The following SLC12A6 variants were observed in gnomAD, a reference collection of about 807,000 sequenced individuals.
SLC12A6 encodes solute carrier family 12 member 6, also known as K-Cl cotransporter 3.
Under a neutral mutation model 135.3 loss-of-function variants are expected in SLC12A6, and 66 were observed. The observed-to-expected ratio is 0.49, with a 90% CI of 0.40 to 0.60. SLC12A6 has a LOEUF of 0.60. Among genes scored for constraint, SLC12A6 ranks in the 20% least tolerant of loss-of-function variants. The probability of loss-of-function intolerance (pLI) is 0.00; values close to 1 mark genes in which losing one functional copy is unlikely to be tolerated. For missense variants in SLC12A6, 1,058 were observed against 1,452.3 expected (o/e 0.73, Z 4.41); for synonymous variants, 513 against 508.8 (o/e 1.01, Z -0.11).
At chr15:34,277,994 A>T (rs2071147033) in intron 2 of SLC12A6, among the ~76,000 whole-genome samples, 2 of 152,248 alleles carry the variant, frequency 1.3e-5, no homozygotes, top group Admixed American at 1.3e-4. Flanking sequence ...TTCTAAAACA[A>T]GGTATGATAG....
intron 9 of SLC12A6, among the ~76,000 whole-genome samples, 190 bp downstream of exon 9, chr15:34,254,158 A>C (rs1394700053): frequency 6.6e-6 from 1 of 152,224 alleles, no homozygotes; most frequent in Non-Finnish European, 1.5e-5. Context: ...AGGACATAAG[A>C]AAGAGGATGA....
intron 12 of SLC12A6, 82 bp downstream of exon 12, chr15:34,250,549 T>C: frequency 1.1e-6 from 1 of 876,040 alleles, no homozygotes; most frequent in Non-Finnish European, 2.0e-6. Context: ...GTATCTTTGT[T>C]ACCAGGATAA....
chr15:34,260,825 T>G (rs938739680), intron 4 of SLC12A6, 101 bp downstream of exon 4: 6 of 700,618 alleles, frequency 8.6e-6, no homozygotes, highest in African/African-American at 3.6e-5. Context: ...AACATTAAAT[T>G]ATCCAGCTTG....
At chr15:34,299,954 A>T (rs1306478176) in intron 2 of SLC12A6, among the ~76,000 whole-genome samples, 1 of 152,174 alleles carries the variant, frequency 6.6e-6, no homozygotes, top group Non-Finnish European at 1.5e-5. Context: ...AAAAAATAAC[A>T]ATGGACTAGG....
At chr15:34,316,180 C>T (rs1178997585) in intron 2 of SLC12A6, among the ~76,000 whole-genome samples, 1 of 150,956 alleles carries the variant, frequency 6.6e-6, no homozygotes, top group Non-Finnish European at 1.5e-5. Flanking sequence ...TTATATGACA[C>T]TACATATTTT....
intron 2 of SLC12A6, among the ~76,000 whole-genome samples, chr15:34,325,649 C>A (rs1286669466): frequency 6.6e-6 from 1 of 152,046 alleles, no homozygotes; most frequent in Non-Finnish European, 1.5e-5. Context: ...ATATAAAAGA[C>A]ATTATTTTCT....
intron 13 of SLC12A6, among the ~76,000 whole-genome samples, 166 bp from the exon 14 acceptor site, chr15:34,246,033 A>G (rs1891964448): frequency 6.6e-6 from 1 of 152,084 alleles, no homozygotes; most frequent in Admixed American, 6.6e-5. Flanking sequence ...CCCAAGTTCA[A>G]GCAATTCTCT....
chr15:34,295,647 A>G (rs1254370505), intron 2 of SLC12A6, among the ~76,000 whole-genome samples: 5 of 152,214 alleles, frequency 3.3e-5, no homozygotes, highest in Non-Finnish European at 7.3e-5. Context: ...AGTTTGAGTC[A>G]CTATTCTTGT....
In SLC12A6 at chr15:34,254,381, G is replaced by C. The variant is rs1217086738; in HGVS notation, c.1085C>G (p.Ala362Gly). 3 of 1,613,562 alleles carry C rather than the reference G, an allele frequency of 1.9e-6. No individual in the cohort carries two copies. The highest frequency in any genetic ancestry group is 2.7e-5 in the African/African-American group (2 of 74,914). The change falls in exon 9 of 26, where the codon GCC becomes GGC. Residue 362 changes from alanine (A) to glycine (G), a missense_variant. By Grantham distance (60) the Ala-to-Gly change is moderately conservative. This residue lies in a region of SLC12A6 where 297 missense variants were observed against 318.5 expected (regional missense o/e 0.93). Transcript: ENST00000354181. ...IVSILAIYAGAIKSSFAPPHF... is the reference protein window; with the variant it reads ...IVSILAIYAGGIKSSFAPPHF... ...TGGAGGAGCAAAAGAAGACTTGATG[G>C]CTCCAGCATAGATGGCCAAGATGGA...
intron 4 of SLC12A6, 110 bp downstream of exon 4, chr15:34,260,816 A>C: frequency 1.5e-6 from 1 of 676,586 alleles, no homozygotes; most frequent in Non-Finnish European, 2.7e-6. Context: ...TTTTCTTTTA[A>C]CATTAAATTA....
At chr15:34,315,454 G>C (rs867199172) in intron 2 of SLC12A6, among the ~76,000 whole-genome samples, 8 of 152,280 alleles carry the variant, frequency 5.3e-5, no homozygotes, top group African/African-American at 1.4e-4. Flanking sequence ...AGGAATGGTA[G>C]TACATGCCTG....
At chr15:34,335,516 T>A (rs1030115706) in intron 2 of SLC12A6, among the ~76,000 whole-genome samples, 1 of 152,200 alleles carries the variant, frequency 6.6e-6, no homozygotes, top group African/African-American at 2.4e-5. Flanking sequence ...AAGATTACAT[T>A]AGTTACAACA....
Position 34,233,856 on chromosome 15 carries a change from G to C in SLC12A6, c.*25C>G, listed in dbSNP as rs767632019. The C allele has an allele frequency of 1.3e-5, 17 of 1,320,986 alleles. No homozygotes were observed. The highest frequency in any genetic ancestry group is 1.8e-5 in the Non-Finnish European group (16 of 912,206). The allele number at this position is 1,320,986 out of a possible 1,614,324, so 81.8% of individuals were successfully genotyped here. On this transcript the variant is annotated 3_prime_UTR_variant, in exon 26 of 26. Transcript: ENST00000354181. ...GGACGTAGGCCTTTTAAGAAAACAGGTCAAGCACGGTCATTCAGAGTAGGT... is the reference window on the plus strand; with the variant it reads ...GGACGTAGGCCTTTTAAGAAAACAGCTCAAGCACGGTCATTCAGAGTAGGT...
intron 2 of SLC12A6, among the ~76,000 whole-genome samples, chr15:34,319,534 C>T (rs1221847598): frequency 6.6e-6 from 1 of 152,090 alleles, no homozygotes; most frequent in Non-Finnish European, 1.5e-5. Context: ...CGCCGTTGCT[C>T]ACACCTGTAA....
At chr15:34,254,062 TAAAA>T (rs1186660876) in intron 9 of SLC12A6, among the ~76,000 whole-genome samples, 1 of 151,964 alleles carries the variant, frequency 6.6e-6, no homozygotes, top group Non-Finnish European at 1.5e-5. Flanking sequence ...ATGTGTATAA[TAAAA>T]AAAGATTATG....
chr15:34,258,832 C>T lies in SLC12A6; in HGVS notation c.524G>A (p.Gly175Glu), dbSNP rs764119511. 18 of 1,613,400 alleles carry T rather than the reference C, an allele frequency of 1.1e-5. No homozygotes were observed. Among genetic ancestry groups the T allele is most frequent in the Non-Finnish European group, 1.5e-5 (18 of 1,179,558 alleles). ...CCTCACCTTGGTGGGCTTCTTTTTCCCTTCAGTGATGTTTTCTGCCTCTTC... is the reference window on the plus strand; with the variant it reads ...CCTCACCTTGGTGGGCTTCTTTTTCTCTTCAGTGATGTTTTCTGCCTCTTC... ...EHEEAENITE[G>E]KKKPTKTPQM... Residue 175 changes from glycine to glutamate, a missense_variant, in exon 5 of 26, where the codon GGG becomes GAG. Transcript: ENST00000354181.
intron 2 of SLC12A6, among the ~76,000 whole-genome samples, chr15:34,327,774 T>TA (rs1330138134): frequency 6.6e-6 from 1 of 152,200 alleles, no homozygotes; most frequent in Non-Finnish European, 1.5e-5. Flanking sequence ...GATGTGTACA[T>TA]AAGAGTTTTT....
At position 34,250,290 on chromosome 15, in the gene SLC12A6, T is replaced by C. The variant is rs1169537721; in HGVS notation, c.1649+8A>G. ...CACATAATTGTTACAAAGAAATTCA[T>C]TACTCACTTGTCTCTGAGAACAACC... On this transcript the variant is annotated splice_region_variant and intron_variant, in intron 13 of 25. Coordinates refer to ENST00000354181, the MANE Select transcript of SLC12A6 (RefSeq NM_001365088.1). 1.4e-6 allele frequency: 2 copies of C among 1,453,582 alleles called. No homozygotes were observed. The highest frequency in any genetic ancestry group is 1.9e-6 in the Non-Finnish European group (2 of 1,033,478). The allele number at this position is 1,453,582 out of a possible 1,614,324, so 90.0% of individuals were successfully genotyped here. A position where few individuals can be genotyped will look rare whatever the true frequency, so the allele number is the denominator to read the frequency against.
chr15:34,302,520 AC>A, intron 2 of SLC12A6, among the ~76,000 whole-genome samples: 1 of 152,238 alleles, frequency 6.6e-6, no homozygotes, highest in African/African-American at 2.4e-5. Context: ...ACATGGTGAA[AC>A]CCCATTTCTA....
Sources: allele counts gnomAD v4.1 joint callset (sites outside exome capture counted in the v4.1 genomes callset), GRCh38; gene constraint gnomAD v4.1.1; regional missense constraint gnomAD v4.1.1; transcripts MANE v1.5; gene names NCBI Gene and HGNC (gene_info 2026-07-23, HGNC 2026-07-21).